The following MED17 variants were observed in gnomAD, a reference collection of about 807,000 sequenced individuals.
The protein encoded by MED17 is mediator of RNA polymerase II transcription subunit 17.
MED17 carries 49 observed loss-of-function variants against 80.8 expected under a neutral mutation model. That is an observed-to-expected ratio of 0.61 (90% CI 0.48 to 0.77). The LOEUF is 0.77. Among genes scored for constraint, MED17 ranks in the 30% least tolerant of loss-of-function variants. The pLI, the probability that MED17 is intolerant of heterozygous loss-of-function variation, is 0.00. For missense variants in MED17, 718 were observed against 787.0 expected (o/e 0.91, Z 1.05); for synonymous variants, 281 against 280.4 (o/e 1.00, Z -0.02).
In MED17 at chr11:93,795,026, G is replaced by A. The variant is rs2276311; in HGVS notation, c.978G>A (p.Val326=). Residue 326 remains valine (V), a synonymous_variant, in exon 6 of 12, where the codon GTG becomes GTA. Transcript: ENST00000251871. ...VQIKSQVPHI[V]VKNQIISQPF... ...TTAAATCACAAGTCCCTCACATTGTGGTGAAAAACCAGATTATCTCTCAGC... is the reference window on the plus strand; with the variant it reads ...TTAAATCACAAGTCCCTCACATTGTAGTGAAAAACCAGATTATCTCTCAGC... 2 of 1,614,080 alleles carry A rather than the reference G, an allele frequency of 1.2e-6. No homozygotes were observed. The highest frequency in any genetic ancestry group is 1.7e-6 in the Non-Finnish European group (2 of 1,180,014).
At chr11:93,803,995 G>A (rs200865995) in intron 9 of MED17, among the ~76,000 whole-genome samples, 97 of 2,874 alleles carry the variant, frequency 0.034, no homozygotes, top group East Asian at 0.13. Flanking sequence ...GTATATATGT[G>A]TGTGTATATA....
At chr11:93,792,154 G>A (rs1028624208) in intron 3 of MED17, among the ~76,000 whole-genome samples, 3 of 152,142 alleles carry the variant, frequency 2.0e-5, no homozygotes, top group South Asian at 2.1e-4. Context: ...GAGGCAAGAA[G>A]TCTTGGCTTT....
chr11:93,812,084 AAAG>A lies in MED17; in HGVS notation c.*24_*26del, dbSNP rs1195847529. ...CTATGATTTTTTCCAGATGTTTCCT[AAAG>A]AAGTTTCCAGAAACTTTGACTTGAA... On this transcript the variant is annotated 3_prime_UTR_variant, in exon 12 of 12. Transcript: ENST00000251871. The A allele has an allele frequency of 1.2e-6, 2 of 1,607,436 alleles. No individual in the cohort carries two copies. Among genetic ancestry groups the A allele is most frequent in the Non-Finnish European group, 1.7e-6 (2 of 1,174,122 alleles).
intron 1 of MED17, 138 bp downstream of exon 1, chr11:93,784,901 T>G: frequency 8.0e-7 from 1 of 1,246,222 alleles, no homozygotes; most frequent in East Asian, 2.6e-5. Context: ...GTAAGGATAC[T>G]TGGTCGTCAT....
intron 5 of MED17, chr11:93,794,353 C>T (rs769552501): frequency 5.5e-5 from 16 of 292,736 alleles, no homozygotes; most frequent in East Asian, 9.2e-5. Flanking sequence ...TACAGGCATG[C>T]GCCACCATTC....
rs1944110155 is a variant in MED17 at position 93,814,017 on chromosome 11, C to G, written c.*1953C>G. On this transcript the variant is annotated 3_prime_UTR_variant, in exon 12 of 12. Coordinates refer to ENST00000251871, the MANE Select transcript of MED17 (RefSeq NM_004268.5). ...GGCATAAGCCACAGTGCCCAGCCCC[C>G]CCAAATATAAACATTTCTGAATGCT... 6.6e-6 allele frequency: 1 copy of G among 152,184 alleles called. No individual in the cohort carries two copies. 9.4% of individuals were successfully genotyped at this position (152,184 alleles called of 1,614,324 possible).
At chr11:93,795,144 T>C in intron 6 of MED17, 84 bp downstream of exon 6, 1 of 1,445,560 alleles carries the variant, frequency 6.9e-7, no homozygotes, top group Non-Finnish European at 9.7e-7. Flanking sequence ...TTAGGGTGTA[T>C]TGGGAGAATA....
chr11:93,784,802 G>T (rs1185882562), intron 1 of MED17, 39 bp downstream of exon 1: 23 of 1,532,900 alleles, frequency 1.5e-5, no homozygotes, highest in Non-Finnish European at 1.7e-5. Context: ...CCCGGTCTGG[G>T]TCCCAGCACC....
intron 9 of MED17, among the ~76,000 whole-genome samples, chr11:93,803,824 A>G (rs1049426678): frequency 6.6e-6 from 1 of 151,850 alleles, no homozygotes; most frequent in Admixed American, 6.6e-5. Flanking sequence ...TTCCACAAAG[A>G]AAGATTAGTG....
intron 9 of MED17, among the ~76,000 whole-genome samples, chr11:93,802,739 G>A (rs1003445890): frequency 1.3e-5 from 2 of 151,986 alleles, no homozygotes; most frequent in Non-Finnish European, 2.9e-5. Context: ...GTTGATCCTG[G>A]GTCTAATCAA....
At chr11:93,796,343 T>C (rs1943900831) in intron 6 of MED17, 67 bp from the exon 7 acceptor site, 1 of 1,358,480 alleles carries the variant, frequency 7.4e-7, no homozygotes, top group African/African-American at 1.4e-5. Flanking sequence ...TTATACTTTA[T>C]GAAGACAGTT....
At chr11:93,790,057 A>G (rs1565288611) in intron 2 of MED17, among the ~76,000 whole-genome samples, 2 of 152,214 alleles carry the variant, frequency 1.3e-5, no homozygotes, top group African/African-American at 4.8e-5. Context: ...ACAAAATACA[A>G]GATAATTTTA....
rs1944091221 is a variant in MED17 at position 93,812,108 on chromosome 11, T to C, written c.*44T>C. On this transcript the variant is annotated 3_prime_UTR_variant, in exon 12 of 12. Coordinates refer to ENST00000251871, the MANE Select transcript of MED17 (RefSeq NM_004268.5). ...TAAAGAAGTTTCCAGAAACTTTGAC[T>C]TGAAATGTTTGCAGATCAACTATAA... 5 of 1,520,252 alleles carry C rather than the reference T, an allele frequency of 3.3e-6. No individual in the cohort carries two copies. Among genetic ancestry groups the C allele is most frequent in the Non-Finnish European group, 4.6e-6 (5 of 1,095,098 alleles). The allele number at this position is 1,520,252 out of a possible 1,614,324, so 94.2% of individuals were successfully genotyped here.
intron 3 of MED17, among the ~76,000 whole-genome samples, chr11:93,792,418 C>T (rs1381291481): frequency 6.6e-6 from 1 of 152,152 alleles, no homozygotes; most frequent in Non-Finnish European, 1.5e-5. Context: ...TGGTTTTGGG[C>T]ATTTTCTTTT....
chr11:93,801,799 G>A, intron 8 of MED17, 36 bp from the exon 9 acceptor site: 1 of 1,597,808 alleles, frequency 6.3e-7, no homozygotes, highest in Non-Finnish European at 8.6e-7. Flanking sequence ...TTTGTATGGT[G>A]ACTTAAAAAG....
rs765579610 is a variant in MED17 at position 93,784,487 on chromosome 11, C to G, written c.-27C>G. ...CTCGTTTTTTGGCTCGTGGGGGGTC[C>G]TCCCACCGCTGGCCGACGCAGCCAG... On this transcript the variant is annotated 5_prime_UTR_variant, in exon 1 of 12. Transcript: ENST00000251871. 1 of 1,583,562 alleles carries G rather than the reference C, an allele frequency of 6.3e-7. No homozygotes were observed. The highest frequency in any genetic ancestry group is 8.6e-7 in the Non-Finnish European group (1 of 1,162,840).
chr11:93,797,384 G>A lies in MED17; in HGVS notation c.1144-151G>A, dbSNP rs537886440. On this transcript the variant is annotated intron_variant, in intron 7 of 11. Coordinates refer to ENST00000251871, the MANE Select transcript of MED17 (RefSeq NM_004268.5). ...ACAGTCTTGCATTATGTGTGACCTA[G>A]TAGTTGCTAGCATTTTTCTCCAAGG... The A allele has an allele frequency of 7.0e-6, 5 of 719,380 alleles. No individual in the cohort carries two copies. The African/African-American group carries it at 7.0e-5, about 10-fold the overall frequency. 44.6% of individuals were successfully genotyped at this position (719,380 alleles called of 1,614,324 possible). A position where few individuals can be genotyped will look rare whatever the true frequency, so the allele number is the denominator to read the frequency against.
Position 93,812,973 on chromosome 11 carries a change from C to A in MED17, c.*909C>A, listed in dbSNP as rs1483134135. On this transcript the variant is annotated 3_prime_UTR_variant, in exon 12 of 12. Coordinates refer to ENST00000251871, the MANE Select transcript of MED17 (RefSeq NM_004268.5). ...CAGCCTTCCACCTGGGATTCTCCAG[C>A]CTCCACCCAGCAGCCCTGGATTGCT... The A allele has an allele frequency of 6.6e-6, 1 of 152,376 alleles. No homozygotes were observed. The highest frequency in any genetic ancestry group is 1.5e-5 in the Non-Finnish European group (1 of 68,180). 9.4% of individuals were successfully genotyped at this position (152,376 alleles called of 1,614,324 possible).
At chr11:93,793,114 CTTTTTTTTT>C (rs71064786) in intron 3 of MED17, 2 of 52,174 alleles carry the variant, frequency 3.8e-5, no homozygotes, top group African/African-American at 6.1e-5. Flanking sequence ...GAGTACACCT[CTTTTTTTTT>C]TTTTTTTTTT....
Sources: allele counts gnomAD v4.1 joint callset (sites outside exome capture counted in the v4.1 genomes callset), GRCh38; gene constraint gnomAD v4.1.1; transcripts MANE v1.5; gene names NCBI Gene and HGNC (gene_info 2026-07-23, HGNC 2026-07-21).